The following CCT3 variants were observed in gnomAD, a reference collection of about 807,000 sequenced individuals.
CCT3 encodes chaperonin containing TCP1 subunit 3, also known as T-complex protein 1 subunit gamma.
A neutral mutation model predicts 65.3 loss-of-function variants in CCT3; 10 were observed. That is an observed-to-expected ratio of 0.15 (90% confidence interval 0.09 to 0.26). The LOEUF (loss-of-function observed/expected upper bound fraction) is 0.26, where lower values mean the gene tolerates loss of function less well. CCT3 is among the 10% of genes least tolerant of loss of function. CCT3 has a pLI of 1.00. For synonymous variants in CCT3, 225 were observed against 242.3 expected, an observed-to-expected ratio of 0.93 and a Z score of 0.66; for missense variants, 626 against 708.7, an observed-to-expected ratio of 0.88 and a Z score of 1.33.
intron 8 of CCT3, among the ~76,000 whole-genome samples, chr1:156,318,478 C>A (rs964986664): frequency 1.3e-5 from 2 of 152,120 alleles, no homozygotes; most frequent in Admixed American, 1.3e-4. Context: ...CTTAGCCTCC[C>A]AAAGTGCTAG....
rs755353668 is a variant in CCT3 at position 156,320,887 on chromosome 1, C to G, written c.561G>C (p.Glu187Asp). ...TTATGTCAATCTCTTTCCGACCATT[C>G]TCCTCAAACTGTACCATCTTGACAG... ...LDAVKMVQFE[E>D]NGRKEIDIKK... is the part of the protein sequence containing the mutation. Residue 187 changes from glutamate to aspartate, a missense_variant, in exon 7 of 14, where the codon GAG (glutamate) becomes GAC (aspartate). Physicochemically the swap from Glu to Asp is conservative, Grantham distance 45 (BLOSUM62 2). Transcript: ENST00000295688. The G allele has an allele frequency of 2.5e-6, 4 of 1,613,446 alleles. No homozygotes were observed. The highest frequency in any genetic ancestry group is 3.4e-6 in the Non-Finnish European group (4 of 1,179,620).
intron 5 of CCT3, among the ~76,000 whole-genome samples, chr1:156,327,658 C>T (rs1420688366): frequency 1.3e-5 from 2 of 152,008 alleles, no homozygotes; most frequent in Non-Finnish European, 2.9e-5. Flanking sequence ...CTCCCAGCCG[C>T]CTGCCTTGGC....
chr1:156,309,353 A>C (rs377203568), intron 13 of CCT3, 50 bp from the exon 14 acceptor site: 1 of 1,261,026 alleles, frequency 7.9e-7, no homozygotes, highest in Non-Finnish European at 1.2e-6. Context: ...AGGAAAGGAC[A>C]CTTTTCTTTC....
At chr1:156,336,339 G>A (rs1665354629) in intron 1 of CCT3, among the ~76,000 whole-genome samples, 1 of 91,252 alleles carries the variant, frequency 1.1e-5, no homozygotes, top group Admixed American at 1.2e-4. Context: ...AAGGGCTGGT[G>A]ACCCTAAGAA....
chr1:156,322,157 G>C (rs1570923567), intron 6 of CCT3, among the ~76,000 whole-genome samples: 1 of 152,268 alleles, frequency 6.6e-6, no homozygotes, highest in East Asian at 1.9e-4. Context: ...AGGATTGCTT[G>C]AGCCCAGGAG....
At chr1:156,327,936 C>T (rs1253346857) in intron 5 of CCT3, among the ~76,000 whole-genome samples, 7 of 91,010 alleles carry the variant, frequency 7.7e-5, no homozygotes, top group Admixed American at 3.6e-4. Context: ...TCTGCCCAGC[C>T]GCGACCCCGT....
intron 1 of CCT3, 116 bp from the exon 2 acceptor site, chr1:156,336,004 A>G: frequency 1.4e-6 from 1 of 707,130 alleles, no homozygotes; most frequent in Non-Finnish European, 2.4e-6. Flanking sequence ...TCCACAGAGC[A>G]AAGCTTATCA....
At chr1:156,322,499 C>A (rs905475451) in intron 6 of CCT3, among the ~76,000 whole-genome samples, 12 of 151,850 alleles carry the variant, frequency 7.9e-5, no homozygotes, top group African/African-American at 2.7e-4. Context: ...CCCCGCCACC[C>A]CAAAAAAATT....
intron 5 of CCT3, among the ~76,000 whole-genome samples, chr1:156,326,637 G>C (rs1664819328): frequency 1.6e-5 from 2 of 122,504 alleles, no homozygotes; most frequent in South Asian, 5.0e-4. Context: ...GCCACAGAGT[G>C]AGACTCCATC....
intron 8 of CCT3, 64 bp downstream of exon 8, chr1:156,318,804 C>T: frequency 6.5e-7 from 1 of 1,529,800 alleles, no homozygotes; most frequent in Non-Finnish European, 9.0e-7. Context: ...CGTTTTATTT[C>T]TGTTGTTCAT....
Position 156,335,843 on chromosome 1 carries a change from T to C in CCT3, c.77A>G (p.Asn26Ser), listed in dbSNP as rs922935995. 1.2e-6 allele frequency: 2 copies of C among 1,613,970 alleles called. No homozygotes were observed. Among genetic ancestry groups the C allele is most frequent in the Non-Finnish European group, 1.7e-6 (2 of 1,179,958 alleles). The change falls in exon 2 of 14, where the codon AAC (asparagine) becomes AGC (serine). Residue 26 changes from asparagine (N) to serine (S), a missense_variant. Physicochemically the swap from Asn to Ser is conservative, Grantham distance 46. Transcript: ENST00000295688. ...RESGRKVQSG[N>S]INAAKTIADI... The stretch of plus-strand genomic sequence containing the variant: ...ATTTGTGACCTTGGCAGCATTGATG[T>C]TTCCAGATTGAACTTTTCTTCCGGA...
chr1:156,315,333 C>T (rs1364030961), intron 10 of CCT3, among the ~76,000 whole-genome samples: 2 of 152,110 alleles, frequency 1.3e-5, no homozygotes, highest in Admixed American at 6.5e-5. Flanking sequence ...CTCAGCCTCC[C>T]GAGTAGCTGG....
At chr1:156,326,649 C>CAAAAAA (rs760908966) in intron 5 of CCT3, among the ~76,000 whole-genome samples, 14 of 65,252 alleles carry the variant, frequency 2.1e-4, no homozygotes, top group Non-Finnish European at 2.6e-4. Context: ...GACTCCATCT[C>CAAAAAA]AAAAAAAAAA....
intron 10 of CCT3, among the ~76,000 whole-genome samples, chr1:156,316,582 T>A (rs1410324690): frequency 6.6e-6 from 1 of 152,240 alleles, no homozygotes; most frequent in African/African-American, 2.4e-5. Context: ...TGAACTTTGC[T>A]GGGCATGGTG....
chr1:156,312,245 G>T lies in CCT3; in HGVS notation c.975-24C>A, dbSNP rs150294696. 673 of 1,606,248 alleles carry T rather than the reference G, an allele frequency of 4.2e-4. 2 individuals are homozygous for T. In the African/African-American group the frequency reaches 7.8e-3, roughly 19 times the overall value. ...CTCTAATGGACGGAAGAGGTGGGGA[G>T]AATCAGATGATTTCAGATACTTGTA... On this transcript the variant is annotated intron_variant, in intron 10 of 13. Transcript: ENST00000295688.
In CCT3 at chr1:156,333,765, A is replaced by G. The variant is rs540859325; in HGVS notation, c.208-122T>C. 2.8e-4 allele frequency: 189 copies of G among 666,474 alleles called. 2 individuals are homozygous for G. The South Asian group carries it at 3.4e-3, about 12-fold the overall frequency. The allele number at this position is 666,474 out of a possible 1,614,324, so 41.3% of individuals were successfully genotyped here. A position where few individuals can be genotyped will look rare whatever the true frequency, so the allele number is the denominator to read the frequency against. On this transcript the variant is annotated intron_variant, in intron 4 of 13. Transcript: ENST00000295688. ...CTTACTTTCCCTTTAATGTTTTACC[A>G]TATCTTGAAAGATTAAAATTGGCAC...
rs190029773 is a variant in CCT3, at chr1:156,321,106, T to C, written c.423-81A>G. 9.8e-6 allele frequency: 11 copies of C among 1,119,208 alleles called. No individual in the cohort carries two copies. The East Asian group carries it at 2.2e-4, about 22-fold the overall frequency. 69.3% of individuals were successfully genotyped at this position (1,119,208 alleles called of 1,614,324 possible). Reference sequence around the variant, plus strand: ...TGTGCCTTATCTATACCTCAGTGACTATAATAATGGACCAAGAGGCAGAAC... The same window carrying C: ...TGTGCCTTATCTATACCTCAGTGACCATAATAATGGACCAAGAGGCAGAAC... On this transcript the variant is annotated intron_variant, in intron 6 of 13. Coordinates refer to ENST00000295688, the MANE Select transcript of CCT3 (RefSeq NM_005998.5).
chr1:156,333,489 AAT>A (rs1206335141), intron 5 of CCT3, 56 bp downstream of exon 5: 65 of 1,218,912 alleles, frequency 5.3e-5, no homozygotes, highest in Middle Eastern at 1.9e-4. Flanking sequence ...TCCTTCTTAA[AAT>A]ATGACACAGG....
At chr1:156,327,867 C>T (rs1008705665) in intron 5 of CCT3, among the ~76,000 whole-genome samples, 3 of 147,512 alleles carry the variant, frequency 2.0e-5, no homozygotes, top group Non-Finnish European at 4.5e-5. Context: ...GGCCGCCCAT[C>T]GTCTGGGATG....
Sources: allele counts gnomAD v4.1 joint callset (sites outside exome capture counted in the v4.1 genomes callset), GRCh38; gene constraint gnomAD v4.1.1; transcripts MANE v1.5; gene names NCBI Gene and HGNC (gene_info 2026-07-23, HGNC 2026-07-21).